NFIB: variants seen among roughly 807,000 people sequenced by gnomAD.
The protein encoded by NFIB is nuclear factor 1 B-type.
A neutral mutation model predicts 61.5 loss-of-function variants in NFIB; 11 were observed. That is an observed-to-expected ratio of 0.18 (90% CI 0.11 to 0.30). The LOEUF (loss-of-function observed/expected upper bound fraction) is 0.30. NFIB is among the 10% of genes least tolerant of loss of function. The pLI is 1.00. For missense variants in NFIB, 471 were observed against 608.9 expected, an observed-to-expected ratio of 0.77 and a Z score of 2.38; for synonymous variants, 260 against 216.5, an observed-to-expected ratio of 1.20 and a Z score of -1.76.
intron 1 of NFIB, among the ~76,000 whole-genome samples, chr9:14,347,161 A>G (rs989197021): frequency 6.6e-5 from 10 of 152,090 alleles, no homozygotes; most frequent in Non-Finnish European, 1.3e-4. Context: ...TAAAAAAAAA[A>G]AAAAAATCTT....
chr9:14,438,355 C>T, the NFIB span, among the ~76,000 whole-genome samples: 1 of 152,318 alleles, frequency 6.6e-6, no homozygotes, highest in East Asian at 1.9e-4. Context: ...CATCTCAACG[C>T]TTCCTGTGTG....
the NFIB span, among the ~76,000 whole-genome samples, chr9:14,432,148 A>G: frequency 3.3e-5 from 5 of 152,340 alleles, no homozygotes; most frequent in South Asian, 2.1e-4. Flanking sequence ...CACCTGACCA[A>G]AGGTAAGCCA....
At position 14,350,336 on chromosome 9, in the gene NFIB, A is replaced by G. The variant is rs569157873; in HGVS notation, c.109-42816T>C. ...AATTAAAAACGAAGGGCGTTTCTCT[A>G]AGAAAAAAACAGACTTTCACAGAAT... is the stretch of plus-strand genomic sequence containing the variant. On this transcript the variant is annotated intron_variant, in intron 1 of 8. Coordinates refer to the NFIB transcript ENST00000380934. Among the ~76,000 whole-genome samples, 3 of 152,328 alleles carry G rather than the reference A, an allele frequency of 2.0e-5. No individual in the cohort carries two copies. The South Asian group carries it at 6.2e-4, about 32-fold the overall frequency.
At chr9:14,166,251 T>C (rs1254234507) in intron 3 of NFIB, among the ~76,000 whole-genome samples, 1 of 152,176 alleles carries the variant, frequency 6.6e-6, no homozygotes, top group African/African-American at 2.4e-5. Context: ...TTTTATTGAG[T>C]CATCACATTG....
chr9:14,256,536 G>A (rs943171071), intron 2 of NFIB, among the ~76,000 whole-genome samples: 1 of 152,148 alleles, frequency 6.6e-6, no homozygotes, highest in Admixed American at 6.5e-5. Context: ...AGAAAAAAAG[G>A]AAGAGGAGTG....
chr9:14,226,549 GA>G (rs79951404), intron 2 of NFIB, among the ~76,000 whole-genome samples: 14,079 of 89,230 alleles, frequency 0.16, 795 homozygotes, highest in Middle Eastern at 0.25. Context: ...CCCTATCTCA[GA>G]AAAAAAAAAA....
At chr9:14,418,893 AATGAGCTTTAG>A in the NFIB span, among the ~76,000 whole-genome samples, 1 of 152,146 alleles carries the variant, frequency 6.6e-6, no homozygotes, top group Non-Finnish European at 1.5e-5. Flanking sequence ...GGGGAGCTAA[AATGAGCTTTAG>A]GTTGATTTAT....
intron 6 of NFIB, among the ~76,000 whole-genome samples, chr9:14,134,016 T>A (rs1039423774): frequency 6.6e-6 from 1 of 152,160 alleles, no homozygotes; most frequent in Admixed American, 6.5e-5. Flanking sequence ...TCCATTTTCT[T>A]CACAAATGGA....
chr9:14,276,859 T>G (rs971144558), intron 2 of NFIB, among the ~76,000 whole-genome samples: 3 of 152,030 alleles, frequency 2.0e-5, no homozygotes, highest in Admixed American at 2.0e-4. Context: ...TGAATTCAGA[T>G]TATGTGCTTT....
At chr9:14,259,639 G>C (rs1401369063) in intron 2 of NFIB, among the ~76,000 whole-genome samples, 1 of 152,144 alleles carries the variant, frequency 6.6e-6, no homozygotes, top group East Asian at 1.9e-4. Context: ...AGTGGCTCAC[G>C]CCTGTAATCC....
Position 14,085,077 on chromosome 9 carries a change from C to CTTT in NFIB, c.*3231_*3232insAAA, listed in dbSNP as rs1220801710. 1.3e-5 allele frequency: 3 copies of CTTT among 228,658 alleles called. No individual in the cohort carries two copies. Among genetic ancestry groups the CTTT allele is most frequent in the Non-Finnish European group, 2.6e-5 (3 of 115,214 alleles). 14.2% of individuals were successfully genotyped at this position (228,658 alleles called of 1,614,324 possible). ...GAGCTTGGCTGAGATGATCTGTTTG[C>CTTT]TACCAGGGCGAGTATCACAGAAATG... On this transcript the variant is annotated 3_prime_UTR_variant, in exon 11 of 11. Transcript: ENST00000380953.
At chr9:14,102,604 C>T in intron 10 of NFIB, 1 of 753,532 alleles carries the variant, frequency 1.3e-6, no homozygotes, top group East Asian at 3.4e-5. Flanking sequence ...CTGTACATGG[C>T]ATTAACCTTA....
At chr9:14,262,531 T>C (rs968456831) in intron 2 of NFIB, among the ~76,000 whole-genome samples, 8 of 152,194 alleles carry the variant, frequency 5.3e-5, no homozygotes, top group African/African-American at 1.9e-4. Context: ...GAATCATTTC[T>C]GGAAGAAGGA....
chr9:14,383,894 G>C (rs547183238), intron 1 of NFIB, among the ~76,000 whole-genome samples: 2 of 152,320 alleles, frequency 1.3e-5, no homozygotes, highest in East Asian at 1.9e-4. Flanking sequence ...TCTTACAACT[G>C]CAAGAGCGCC....
intron 2 of NFIB, among the ~76,000 whole-genome samples, chr9:14,186,677 T>C (rs1587425887): frequency 6.6e-6 from 1 of 152,120 alleles, no homozygotes; most frequent in East Asian, 1.9e-4. Flanking sequence ...CCTCACTCTT[T>C]GCAGTTTACT....
intron 2 of NFIB, among the ~76,000 whole-genome samples, chr9:14,290,362 A>T (rs2059007737): frequency 6.6e-6 from 1 of 152,090 alleles, no homozygotes; most frequent in Admixed American, 6.6e-5. Context: ...TGCCCACAAA[A>T]GGGAGACCAA....
chr9:14,129,597 G>A, intron 6 of NFIB, among the ~76,000 whole-genome samples: 1 of 151,988 alleles, frequency 6.6e-6, no homozygotes, highest in East Asian at 1.9e-4. Flanking sequence ...AAATGATATT[G>A]TTTCTATGTG....
the NFIB span, among the ~76,000 whole-genome samples, chr9:14,405,663 A>G: frequency 1.1e-4 from 16 of 152,354 alleles, no homozygotes; most frequent in Admixed American, 6.5e-4. Flanking sequence ...TCAAGCAAAA[A>G]TGAAATGGAA....
At chr9:14,395,230 C>G (rs545774557) in intron 1 of NFIB, among the ~76,000 whole-genome samples, 4 of 150,118 alleles carry the variant, frequency 2.7e-5, no homozygotes, top group Non-Finnish European at 4.4e-5. Flanking sequence ...GAGGTCCAAA[C>G]AGCAGTTTTG....
Sources: gnomAD v4.1 joint callset for allele counts (sites outside exome capture counted in the v4.1 genomes callset) on GRCh38, gnomAD v4.1.1 for gene constraint, MANE v1.5 for transcripts, NCBI Gene and HGNC (gene_info 2026-07-23, HGNC 2026-07-21) for gene names.